The following LRRC41 variants were observed in gnomAD, a reference collection of about 807,000 sequenced individuals.
LRRC41 encodes the protein leucine rich repeat containing 41.
A neutral mutation model predicts 72.1 loss-of-function variants in LRRC41; 17 were observed. The observed-to-expected ratio is 0.24, with a 90% CI of 0.16 to 0.35. The LOEUF is 0.35. Ranked by LOEUF, LRRC41 falls within the 10% of genes least tolerant of loss-of-function variation. The probability of loss-of-function intolerance (pLI) is 1.00; values close to 1 mark genes in which losing one functional copy is unlikely to be tolerated. For synonymous variants in LRRC41, 427 were observed against 431.0 expected (o/e 0.99, Z 0.11); for missense variants, 759 against 1,065.0 (o/e 0.71, Z 4.00).
Position 46,303,236 on chromosome 1 carries a change from C to T in LRRC41, c.87G>A (p.Glu29=). The T allele has an allele frequency of 6.4e-7, 1 of 1,555,954 alleles. No homozygotes were observed. Reference sequence around the variant, plus strand: ...AGGCCGAGCTCTTCGCTGGCGCCGCCTCCCGGGACGTGGCCTCCATGGTCG... The same window carrying T: ...AGGCCGAGCTCTTCGCTGGCGCCGCTTCCCGGGACGTGGCCTCCATGGTCG... ...AATTMEATSR[E]AAPAKSSASG... Residue 29 remains glutamate (E), a synonymous_variant, in exon 1 of 10, where the codon GAG becomes GAA. Transcript: ENST00000617190.
At chr1:46,288,718 C>T (rs935390945) in intron 3 of LRRC41, among the ~76,000 whole-genome samples, 5 of 152,254 alleles carry the variant, frequency 3.3e-5, no homozygotes, top group Non-Finnish European at 5.9e-5. Context: ...CCAGACTCCA[C>T]TTACTGTGGT....
rs1266303709 is a variant in LRRC41 at position 46,302,089 on chromosome 1, G to A, written c.199+1035C>T. On this transcript the variant is annotated intron_variant, in intron 1 of 9. Coordinates refer to ENST00000617190, the MANE Select transcript of LRRC41 (RefSeq NM_006369.5). This position sits in a 1 kb window ranked among gnomAD's most constrained non-coding sequence, Gnocchi z 4.7. ...GCCCCGCCTCCCAGCCCAACTGGCC[G>A]GTTCGCCCTCCCCGGCCGTTCATCC... is the stretch of plus-strand genomic sequence containing the variant. 5.1e-6 allele frequency: 5 copies of A among 985,198 alleles called. No homozygotes were observed. Among genetic ancestry groups the A allele is most frequent in the Admixed American group, 6.1e-5 (1 of 16,266 alleles). The allele number at this position is 985,198 out of a possible 1,614,324, so 61.0% of individuals were successfully genotyped here.
intron 4 of LRRC41, 150 bp from the exon 5 acceptor site, chr1:46,281,535 C>T (rs1309867927): frequency 2.6e-6 from 2 of 770,060 alleles, no homozygotes; most frequent in Non-Finnish European, 4.2e-6. Context: ...ACTACTCATC[C>T]ATGTCTTGCT....
rs1356654365 is a variant in LRRC41, at chr1:46,285,289, T to A, written c.1495+73A>T. The stretch of plus-strand genomic sequence containing the variant: ...ATACCCCCAATTTGCCCCTCCCACC[T>A]CCCTAGAATTAGGCACACAGCTGGT... On this transcript the variant is annotated intron_variant, in intron 4 of 9. Coordinates refer to ENST00000617190, the MANE Select transcript of LRRC41 (RefSeq NM_006369.5). This position sits in a 1 kb window ranked among gnomAD's most constrained non-coding sequence, Gnocchi z 5.3. 6.6e-7 allele frequency: 1 copy of A among 1,525,916 alleles called. No individual in the cohort carries two copies. Among genetic ancestry groups the A allele is most frequent in the East Asian group, 2.4e-5 (1 of 41,892 alleles). 94.5% of individuals were successfully genotyped at this position (1,525,916 alleles called of 1,614,324 possible).
rs1661273592 is a variant in LRRC41 at position 46,302,895 on chromosome 1, C to T, written c.199+229G>A. 1 of 985,450 alleles carries T rather than the reference C, an allele frequency of 1.0e-6. No homozygotes were observed. Among genetic ancestry groups the T allele is most frequent in the Non-Finnish European group, 1.2e-6 (1 of 829,922 alleles). The allele number at this position is 985,450 out of a possible 1,614,324, so 61.0% of individuals were successfully genotyped here. On this transcript the variant is annotated intron_variant, in intron 1 of 9. Coordinates refer to ENST00000617190, the MANE Select transcript of LRRC41 (RefSeq NM_006369.5). The surrounding 1 kb of genome is among the most constrained non-coding windows in gnomAD (Gnocchi z 4.7). The stretch of plus-strand genomic sequence containing the variant: ...GACCGGGCCTCCTGGCCTCGCCCCC[C>T]GCGCCCCCGAGCCAGGCCGCGGTGC...
rs370215901 is a variant in LRRC41 at position 46,296,573 on chromosome 1, GGCA to G, written c.357+987_357+989del. Among the ~76,000 whole-genome samples the G allele has an allele frequency of 1.0e-3, 158 of 152,148 alleles. 2 individuals are homozygous for G. The South Asian group carries it at 0.017, about 16-fold the overall frequency. The stretch of plus-strand genomic sequence containing the variant: ...AATCTACCCCATCACCTAGTTATGG[GGCA>G]GCAAAAGAAACTGCTTAAATGAGAG... On this transcript the variant is annotated intron_variant, in intron 3 of 9. Coordinates refer to ENST00000617190, the MANE Select transcript of LRRC41 (RefSeq NM_006369.5).
rs1661148509 is a variant in LRRC41, at chr1:46,297,497, T to C, written c.357+66A>G. 78 of 1,286,800 alleles carry C rather than the reference T, an allele frequency of 6.1e-5. 3 individuals are homozygous for C. The South Asian group carries it at 9.2e-4, about 15-fold the overall frequency. The allele number at this position is 1,286,800 out of a possible 1,614,324, so 79.7% of individuals were successfully genotyped here. ...CACTTTATCAGTACCCAGCTTGTGTTTGTGTGCTATTCCTGCTTTTACCAT... is the reference window on the plus strand; with the variant it reads ...CACTTTATCAGTACCCAGCTTGTGTCTGTGTGCTATTCCTGCTTTTACCAT... On this transcript the variant is annotated intron_variant, in intron 3 of 9. Coordinates refer to ENST00000617190, the MANE Select transcript of LRRC41 (RefSeq NM_006369.5).
Position 46,285,417 on chromosome 1 carries a change from T to C in LRRC41, c.1440A>G (p.Leu480=), listed in dbSNP as rs112191997. The change falls in exon 4 of 10, where the codon CTA becomes CTG. Residue 480 remains leucine, a synonymous_variant. Transcript: ENST00000617190. This position sits in a 1 kb window ranked among gnomAD's most constrained non-coding sequence, Gnocchi z 5.3. ...ACACCCAGGAGCTCAGCAGGTGGCA[T>C]AGTGTCAGGGCTGCCTCTGTGGAGA... ...VPLSTEAALT[L]CHLLSSWVSL... 134 of 1,614,150 alleles carry C rather than the reference T, an allele frequency of 8.3e-5. No individual in the cohort carries two copies. The African/African-American group carries it at 1.2e-3, about 15-fold the overall frequency.
chr1:46,301,627 C>A (rs1435367678), intron 1 of LRRC41, among the ~76,000 whole-genome samples: 3 of 151,982 alleles, frequency 2.0e-5, no homozygotes, highest in Non-Finnish European at 4.4e-5. Flanking sequence ...GAGCTTCAGT[C>A]CCCCCAAACT....
chr1:46,278,619 C>G lies in LRRC41; in HGVS notation c.*246G>C. The G allele has an allele frequency of 1.6e-6, 1 of 607,366 alleles. No individual in the cohort carries two copies. Among genetic ancestry groups the G allele is most frequent in the South Asian group, 2.0e-5 (1 of 48,920 alleles). The allele number at this position is 607,366 out of a possible 1,614,324, so 37.6% of individuals were successfully genotyped here. On this transcript the variant is annotated 3_prime_UTR_variant, in exon 10 of 10. Transcript: ENST00000617190. Reference sequence around the variant, plus strand: ...CAGCAATTATGATGACCACTGTAACCTCCTGGCCCAGGGTTCCCAGGATAC... The same window carrying G: ...CAGCAATTATGATGACCACTGTAACGTCCTGGCCCAGGGTTCCCAGGATAC...
Position 46,286,533 on chromosome 1 carries a change from T to A in LRRC41, c.358-34A>T. The stretch of plus-strand genomic sequence containing the variant: ...CAGAAAACATGCCAGACAGCCATGA[T>A]ATATCCATGAAACTGTCCAAATTTC... On this transcript the variant is annotated intron_variant, in intron 3 of 9. Transcript: ENST00000617190. The surrounding 1 kb of genome is among the most constrained non-coding windows in gnomAD (Gnocchi z 5.5). The A allele has an allele frequency of 6.4e-7, 1 of 1,552,930 alleles. No homozygotes were observed.
At position 46,285,231 on chromosome 1, in the gene LRRC41, G is replaced by A; in HGVS notation, c.1495+131C>T. The A allele has an allele frequency of 2.5e-6, 2 of 800,006 alleles. No individual in the cohort carries two copies. Among genetic ancestry groups the A allele is most frequent in the Non-Finnish European group, 4.2e-6 (2 of 478,110 alleles). The allele number at this position is 800,006 out of a possible 1,614,324, so 49.6% of individuals were successfully genotyped here. A position where few individuals can be genotyped will look rare whatever the true frequency, so the allele number is the denominator to read the frequency against. On this transcript the variant is annotated intron_variant, in intron 4 of 9. Transcript: ENST00000617190. This position sits in a 1 kb window ranked among gnomAD's most constrained non-coding sequence, Gnocchi z 5.3. ...GCAATGACAGTCTCCCCTGCTATGA[G>A]GCATACAAGCCTTCCTCTCTAACCT...
rs769486829 is a variant in LRRC41, at chr1:46,285,608, C to T, written c.1249G>A (p.Val417Ile). The T allele has an allele frequency of 2.5e-6, 4 of 1,613,996 alleles. No individual in the cohort carries two copies. The highest frequency in any genetic ancestry group is 2.2e-5 in the East Asian group (1 of 44,880). The change falls in exon 4 of 10, where the codon GTT (valine) becomes ATT (isoleucine). Residue 417 changes from valine to isoleucine, a missense_variant. Coordinates refer to ENST00000617190, the MANE Select transcript of LRRC41 (RefSeq NM_006369.5). The surrounding 1 kb of genome is among the most constrained non-coding windows in gnomAD (Gnocchi z 5.3). ...GAESEDLYDF[V>I]FIVAGEKEDG... ...TCCTTCTCGCCAGCCACAATAAAAACGAAGTCATACAGGTCTTCAGACTCT... is the reference window on the plus strand; with the variant it reads ...TCCTTCTCGCCAGCCACAATAAAAATGAAGTCATACAGGTCTTCAGACTCT...
rs755616291 is a variant in LRRC41 at position 46,277,778 on chromosome 1, C to T, written c.*1087G>A. The T allele has an allele frequency of 5.1e-6, 8 of 1,561,472 alleles. No individual in the cohort carries two copies. Among genetic ancestry groups the T allele is most frequent in the Middle Eastern group, 1.7e-4 (1 of 5,838 alleles). ...CTCCCTTTTTATGAGGATGGCTAAG[C>T]GCTGTATCTTTTGACATTCCCCACC... On this transcript the variant is annotated 3_prime_UTR_variant, in exon 10 of 10. Coordinates refer to ENST00000617190, the MANE Select transcript of LRRC41 (RefSeq NM_006369.5).
In LRRC41 at chr1:46,278,642, T is replaced by C; in HGVS notation, c.*223A>G. 1 of 611,418 alleles carries C rather than the reference T, an allele frequency of 1.6e-6. No homozygotes were observed. Among genetic ancestry groups the C allele is most frequent in the Non-Finnish European group, 2.9e-6 (1 of 349,038 alleles). 37.9% of individuals were successfully genotyped at this position (611,418 alleles called of 1,614,324 possible). ...ACCTCCTGGCCCAGGGTTCCCAGGA[T>C]ACTGAGTAAGGGGCCCAAAGACTAT... On this transcript the variant is annotated 3_prime_UTR_variant, in exon 10 of 10. Transcript: ENST00000617190.
Position 46,278,286 on chromosome 1 carries a change from C to T in LRRC41, c.*579G>A, listed in dbSNP as rs774166091. 1 of 1,609,706 alleles carries T rather than the reference C, an allele frequency of 6.2e-7. No homozygotes were observed. The highest frequency in any genetic ancestry group is 1.1e-5 in the South Asian group (1 of 90,030). ...GGAGCAGCGGGGCCTCCGCTGATAA[C>T]CAGCTGGTCTGGGTGTAGCTCTTAG... is the stretch of plus-strand genomic sequence containing the variant. On this transcript the variant is annotated 3_prime_UTR_variant, in exon 10 of 10. Transcript: ENST00000617190.
In LRRC41 at chr1:46,278,003, A is replaced by AGG. The variant is rs1660667785; in HGVS notation, c.*861_*862insCC. 1 of 1,614,010 alleles carries AGG rather than the reference A, an allele frequency of 6.2e-7. No homozygotes were observed. The highest frequency in any genetic ancestry group is 1.1e-5 in the South Asian group (1 of 91,084). On this transcript the variant is annotated 3_prime_UTR_variant, in exon 10 of 10. Coordinates refer to ENST00000617190, the MANE Select transcript of LRRC41 (RefSeq NM_006369.5). ...CAGGTGGGGAAGTGCCCTAACCATT[A>AGG]TCTCTAAGCTACCCACACAGTAGGG...
chr1:46,298,756 T>C (rs1661171440), intron 1 of LRRC41: 1 of 159,744 alleles, frequency 6.3e-6, no homozygotes, highest in Admixed American at 6.4e-5. Context: ...ATCAGCTCCC[T>C]GCTTTGCCTC....
chr1:46,284,341 CT>C (rs1660841786), intron 4 of LRRC41: 1 of 152,134 alleles, frequency 6.6e-6, no homozygotes, highest in African/African-American at 2.4e-5. Flanking sequence ...TGAATCCTAG[CT>C]CTATAATTGC....
Sources: gnomAD v4.1 joint callset for allele counts (sites outside exome capture counted in the v4.1 genomes callset) on GRCh38, gnomAD v4.1.1 for gene constraint, Gnocchi (gnomAD v3.1) non-coding constraint, MANE v1.5 for transcripts, NCBI Gene and HGNC (gene_info 2026-07-23, HGNC 2026-07-21) for gene names.